Variants in SLC9A9 observed in about 807,000 individuals in gnomAD.
The protein encoded by SLC9A9 is sodium/hydrogen exchanger 9.
In SLC9A9, 62 loss-of-function variants were observed where a neutral mutation model predicts 77.8. The ratio of observed to expected loss-of-function variants is 0.80; its 90% CI spans 0.65 to 0.98. The LOEUF (loss-of-function observed/expected upper bound fraction) is 0.98, where lower values mean the gene tolerates loss of function less well. Ranked by LOEUF, SLC9A9 falls within the 50% of genes least tolerant of loss-of-function variation. The probability of loss-of-function intolerance (pLI) is 0.00; values close to 1 mark genes in which losing one functional copy is unlikely to be tolerated. For synonymous variants in SLC9A9, 320 were observed against 283.5 expected, an observed-to-expected ratio of 1.13 and a Z score of -1.29; for missense variants, 775 against 774.9, an observed-to-expected ratio of 1.00 and a Z score of 0.00.
chr3:143,703,450 A>T (rs1393220995), intron 4 of SLC9A9, among the ~76,000 whole-genome samples: 1 of 152,118 alleles, frequency 6.6e-6, no homozygotes, highest in Non-Finnish European at 1.5e-5. Flanking sequence ...AAATTAAGCA[A>T]TATGCTCCTA....
chr3:143,759,773 A>G (rs2007053584), intron 4 of SLC9A9, among the ~76,000 whole-genome samples: 1 of 151,984 alleles, frequency 6.6e-6, no homozygotes, highest in Non-Finnish European at 1.5e-5. Context: ...TATCCTAAGC[A>G]CTTGTCTCTT....
chr3:143,828,344 T>C (rs1368095186), intron 2 of SLC9A9, among the ~76,000 whole-genome samples: 1 of 152,154 alleles, frequency 6.6e-6, no homozygotes, highest in Non-Finnish European at 1.5e-5. Flanking sequence ...CATTCATTCA[T>C]TGTTTAGCAG....
intron 6 of SLC9A9, among the ~76,000 whole-genome samples, chr3:143,609,282 A>G (rs552195127): frequency 1.2e-4 from 18 of 152,320 alleles, no homozygotes; most frequent in South Asian, 6.2e-4. Flanking sequence ...AGATGCAAGC[A>G]AAAAAACATG....
intron 12 of SLC9A9, among the ~76,000 whole-genome samples, chr3:143,425,264 C>CTTTT (rs200568656): frequency 1.1e-4 from 11 of 98,522 alleles, no homozygotes; most frequent in African/African-American, 1.6e-4. Context: ...TGAGGCTTAG[C>CTTTT]TTTTTTTTTT....
Position 143,268,606 on chromosome 3 carries a change from G to A in SLC9A9, c.1710+269C>T, listed in dbSNP as rs190696381. ...AAATTAGCTGGGTGTGGTGGCAGGCGCCTGTAGTCCCAGCTACTCGGGAGG... is the reference window on the plus strand; with the variant it reads ...AAATTAGCTGGGTGTGGTGGCAGGCACCTGTAGTCCCAGCTACTCGGGAGG... On this transcript the variant is annotated intron_variant, in intron 15 of 15. Coordinates refer to ENST00000316549, the MANE Select transcript of SLC9A9 (RefSeq NM_173653.4). 4.9e-3 allele frequency among the ~76,000 whole-genome samples: 744 copies of A among 151,860 alleles called. 19 individuals carry two copies. The highest frequency in any genetic ancestry group is 0.038 in the Admixed American group (574 of 15,266).
intron 12 of SLC9A9, among the ~76,000 whole-genome samples, chr3:143,454,802 C>G (rs1015747677): frequency 5.3e-5 from 8 of 152,214 alleles, no homozygotes; most frequent in African/African-American, 1.7e-4. Context: ...CTCCCTTTTC[C>G]TTTCTGGCTG....
chr3:143,266,964 G>C lies in SLC9A9; in HGVS notation c.1711-35C>G, dbSNP rs373862408. On this transcript the variant is annotated intron_variant, in intron 15 of 15. Coordinates refer to ENST00000316549, the MANE Select transcript of SLC9A9 (RefSeq NM_173653.4). ...AAAAGAGAGAGAGGTGTCACTTCATGATGAAGGCAGAAAACAATAGCAGTC... is the reference window on the plus strand; with the variant it reads ...AAAAGAGAGAGAGGTGTCACTTCATCATGAAGGCAGAAAACAATAGCAGTC... The C allele has an allele frequency of 6.3e-6, 10 of 1,597,424 alleles. No homozygotes were observed. The African/African-American group carries it at 8.1e-5, about 13-fold the overall frequency.
At chr3:143,386,480 G>C (rs888051912) in intron 12 of SLC9A9, among the ~76,000 whole-genome samples, 2 of 152,202 alleles carry the variant, frequency 1.3e-5, no homozygotes, top group African/African-American at 2.4e-5. Context: ...CTCCATCTTG[G>C]TTTCCTCACC....
intron 4 of SLC9A9, among the ~76,000 whole-genome samples, chr3:143,757,523 A>C (rs892369030): frequency 6.6e-6 from 1 of 152,142 alleles, no homozygotes; most frequent in African/African-American, 2.4e-5. Context: ...TTTGGAGTAC[A>C]ACAAATTTTT....
chr3:143,300,165 C>T (rs2030459387), intron 14 of SLC9A9, among the ~76,000 whole-genome samples: 1 of 152,034 alleles, frequency 6.6e-6, no homozygotes, highest in Admixed American at 6.5e-5. Flanking sequence ...TAGTGTAAGT[C>T]CTCACTTTGC....
intron 8 of SLC9A9, among the ~76,000 whole-genome samples, chr3:143,554,719 A>G (rs2036949678): frequency 6.6e-6 from 1 of 151,958 alleles, no homozygotes; most frequent in Admixed American, 6.6e-5. Flanking sequence ...CAACTTGCTG[A>G]CCTCTTCTCT....
At chr3:143,676,628 T>A (rs1043403893) in intron 5 of SLC9A9, among the ~76,000 whole-genome samples, 2 of 152,036 alleles carry the variant, frequency 1.3e-5, no homozygotes. Context: ...TTACAGCTAC[T>A]CGGGAGGCTG....
At chr3:143,393,158 ACAC>A (rs2033612551) in intron 12 of SLC9A9, among the ~76,000 whole-genome samples, 1 of 152,212 alleles carries the variant, frequency 6.6e-6, no homozygotes, top group Admixed American at 6.5e-5. Context: ...TCTCTGCACC[ACAC>A]CACACCTATT....
At chr3:143,646,051 C>A (rs1472140964) in intron 6 of SLC9A9, among the ~76,000 whole-genome samples, 6 of 152,180 alleles carry the variant, frequency 3.9e-5, no homozygotes, top group African/African-American at 1.4e-4. Context: ...AAAAGAATTT[C>A]AGACTTCTAC....
At chr3:143,659,153 T>C (rs1218202077) in intron 5 of SLC9A9, among the ~76,000 whole-genome samples, 1 of 152,162 alleles carries the variant, frequency 6.6e-6, no homozygotes, top group Non-Finnish European at 1.5e-5. Context: ...ATTTTTCCTT[T>C]TTAAAAATGA....
intron 5 of SLC9A9, among the ~76,000 whole-genome samples, chr3:143,673,521 A>G (rs2039191231): frequency 6.6e-6 from 1 of 151,880 alleles, no homozygotes; most frequent in South Asian, 2.1e-4. Context: ...ATCCAAATAC[A>G]AATCTGTATT....
At position 143,293,311 on chromosome 3, in the gene SLC9A9, G is replaced by A. The variant is rs144825449; in HGVS notation, c.1605-24331C>T. Among the ~76,000 whole-genome samples the A allele has an allele frequency of 3.8e-3, 586 of 152,216 alleles. 3 individuals are homozygous for A. Among genetic ancestry groups the A allele is most frequent in the African/African-American group, 0.013 (553 of 41,516 alleles). ...AATAAGTGGCCTGGCAGATACGTGC[G>A]TCTGCATGTATTCTTCATTCTTTAT... On this transcript the variant is annotated intron_variant, in intron 14 of 15. Transcript: ENST00000316549.
chr3:143,766,426 G>A (rs2007319874), intron 4 of SLC9A9, among the ~76,000 whole-genome samples: 1 of 152,164 alleles, frequency 6.6e-6, no homozygotes, highest in South Asian at 2.1e-4. Flanking sequence ...TCCTGATGTT[G>A]GAGGATGGCT....
chr3:143,318,126 A>G (rs978219497), intron 14 of SLC9A9, among the ~76,000 whole-genome samples: 2 of 152,162 alleles, frequency 1.3e-5, no homozygotes, highest in Non-Finnish European at 2.9e-5. Context: ...GTGGGGCTGG[A>G]TGTTGATGTA....
Sources: gnomAD v4.1 joint callset for allele counts (sites outside exome capture counted in the v4.1 genomes callset) on GRCh38, gnomAD v4.1.1 for gene constraint, MANE v1.5 for transcripts, NCBI Gene and HGNC (gene_info 2026-07-23, HGNC 2026-07-21) for gene names.